The following HMCN1 variants were observed in gnomAD, a reference collection of about 807,000 sequenced individuals.
The protein encoded by HMCN1 is hemicentin-1.
Under a neutral mutation model 625.9 loss-of-function variants are expected in HMCN1, and 321 were observed. The ratio of observed to expected loss-of-function variants is 0.51; its 90% CI spans 0.47 to 0.56. The LOEUF (loss-of-function observed/expected upper bound fraction) is 0.56, where lower values mean the gene tolerates loss of function less well. Ranked by LOEUF, HMCN1 falls within the 20% of genes least tolerant of loss-of-function variation. The pLI is 0.00. For synonymous variants in HMCN1, 2,425 were observed against 2,417.6 expected, an observed-to-expected ratio of 1.00 and a Z score of -0.09; for missense variants, 6,588 against 6,887.3, an observed-to-expected ratio of 0.96 and a Z score of 1.54.
Position 186,000,070 on chromosome 1 carries a change from G to T in HMCN1, c.3900G>T (p.Trp1300Cys), listed in dbSNP as rs761189368. The T allele has an allele frequency of 1.6e-5, 26 of 1,612,510 alleles. No homozygotes were observed. Among genetic ancestry groups the T allele is most frequent in the Admixed American group, 3.3e-5 (2 of 59,844 alleles). Residue 1300 changes from tryptophan to cysteine, a missense_variant, in exon 26 of 107, where the codon TGG becomes TGT. Physicochemically the swap from Trp to Cys is radical, Grantham distance 215 (BLOSUM62 -2). Coordinates refer to ENST00000271588, the MANE Select transcript of HMCN1 (RefSeq NM_031935.3). ...GTACCCCTAAACCAACCATCAAATG[G>T]TTACACAATGGTAGAGAGTTGACAG... Reference protein sequence around the residue: ...AKGTPKPTIKWLHNGRELTGR... With the variant: ...AKGTPKPTIKCLHNGRELTGR...
At chr1:186,008,830 A>G (rs910064419) in intron 30 of HMCN1, among the ~76,000 whole-genome samples, 1 of 152,278 alleles carries the variant, frequency 6.6e-6, no homozygotes, top group Non-Finnish European at 1.5e-5. Flanking sequence ...CTTAATGTAC[A>G]TATAGAATCT....
intron 4 of HMCN1, among the ~76,000 whole-genome samples, chr1:185,877,831 C>T (rs1050127531): frequency 2.0e-5 from 3 of 151,844 alleles, no homozygotes; most frequent in Non-Finnish European, 2.9e-5. Flanking sequence ...ATTATTTTGT[C>T]ACCTAGGTAC....
Position 186,067,903 on chromosome 1 carries a change from C to G in HMCN1, c.7775C>G (p.Pro2592Arg). The change falls in exon 50 of 107, where the codon CCT (proline) becomes CGT (arginine). Residue 2592 changes from proline (P) to arginine (R), a missense_variant. Physicochemically the swap from Pro to Arg is moderately radical, Grantham distance 103 (BLOSUM62 -2). Transcript: ENST00000271588. ...PEDVTVILNS[P>R]TSLVCEAYSY... ...GATGTCACTGTCATCCTTAACAGCC[C>G]TACATCTTTGGTCTGTGAAGCTTAT... 2 of 1,612,650 alleles carry G rather than the reference C, an allele frequency of 1.2e-6. 1 individual carries two copies. The highest frequency in any genetic ancestry group is 2.2e-5 in the South Asian group (2 of 91,060).
intron 1 of HMCN1, among the ~76,000 whole-genome samples, chr1:185,773,658 C>G (rs562091701): frequency 6.6e-6 from 1 of 152,210 alleles, no homozygotes; most frequent in South Asian, 2.1e-4. Flanking sequence ...TACTTATGGT[C>G]TATGATAGAA....
chr1:185,745,736 T>C (rs944566784), intron 1 of HMCN1, among the ~76,000 whole-genome samples: 2 of 152,194 alleles, frequency 1.3e-5, no homozygotes, highest in Non-Finnish European at 2.9e-5. Context: ...GGCCTGTCTG[T>C]CTCCAGGTAT....
At chr1:186,013,560 A>C (rs1178867351) in intron 30 of HMCN1, among the ~76,000 whole-genome samples, 1 of 152,168 alleles carries the variant, frequency 6.6e-6, no homozygotes, top group Non-Finnish European at 1.5e-5. Flanking sequence ...CTTGTTTTCT[A>C]ATATCCTTTT....
At chr1:186,015,494 C>G (rs1301298342) in intron 31 of HMCN1, 57 bp downstream of exon 31, 3 of 1,499,018 alleles carry the variant, frequency 2.0e-6, no homozygotes, top group South Asian at 2.3e-5. Context: ...TTCTAATAGG[C>G]AAATATCGAA....
chr1:185,949,518 A>G (rs539326732), intron 11 of HMCN1, among the ~76,000 whole-genome samples: 1,969 of 150,720 alleles, frequency 0.013, 36 homozygotes, highest in African/African-American at 0.044. Context: ...CCTTTAGTCC[A>G]TTCTACTTTT....
At chr1:186,007,080 GT>G (rs747675947) in intron 29 of HMCN1, 47 bp from the exon 30 acceptor site, 3 of 1,432,780 alleles carry the variant, frequency 2.1e-6, no homozygotes, top group South Asian at 2.3e-5. Context: ...AATAAGAAAT[GT>G]GAAAAACTGA....
At chr1:186,178,384 T>C in intron 103 of HMCN1, 32 bp from the exon 104 acceptor site, 1 of 1,503,386 alleles carries the variant, frequency 6.7e-7, no homozygotes, top group Non-Finnish European at 9.3e-7. Context: ...TGTGTCTTTT[T>C]TTTTCTTTTT....
In HMCN1 at chr1:186,033,063, C is replaced by T. The variant is rs552506858; in HGVS notation, c.5750-4871C>T. Among the ~76,000 whole-genome samples, 174 of 142,968 alleles carry T rather than the reference C, an allele frequency of 1.2e-3. 1 individual carries two copies. Among genetic ancestry groups the T allele is most frequent in the African/African-American group, 4.4e-3 (152 of 34,356 alleles). The allele number at this position is 142,968 out of a possible 152,430, so 93.8% of individuals were successfully genotyped here. On this transcript the variant is annotated intron_variant, in intron 36 of 106. Transcript: ENST00000271588. ...ATAAAGAAAATGTGATATACACACA[C>T]GCACACACACACACACACACACACA... is the stretch of plus-strand genomic sequence containing the variant.
At chr1:185,871,414 T>C (rs1399801866) in intron 4 of HMCN1, among the ~76,000 whole-genome samples, 5 of 152,184 alleles carry the variant, frequency 3.3e-5, no homozygotes. Context: ...TTTCTGTGTG[T>C]CAGTTTCCTT....
At chr1:185,943,364 G>A (rs932060959) in intron 11 of HMCN1, among the ~76,000 whole-genome samples, 7 of 152,192 alleles carry the variant, frequency 4.6e-5, no homozygotes, top group Non-Finnish European at 8.8e-5. Flanking sequence ...CTACCTCCAG[G>A]TAGATAGTGT....
chr1:185,798,902 C>G (rs1421483961), intron 1 of HMCN1, among the ~76,000 whole-genome samples: 4 of 152,100 alleles, frequency 2.6e-5, no homozygotes, highest in Non-Finnish European at 5.9e-5. Flanking sequence ...TGATTAGGAC[C>G]TACTACTAGA....
At chr1:185,961,425 C>A (rs1480441353) in intron 11 of HMCN1, among the ~76,000 whole-genome samples, 1 of 152,182 alleles carries the variant, frequency 6.6e-6, no homozygotes, top group Admixed American at 6.5e-5. Flanking sequence ...TGTGTCCCTG[C>A]AAGTTAGCAC....
At chr1:186,098,453 A>C (rs1660241143) in intron 68 of HMCN1, among the ~76,000 whole-genome samples, 1 of 152,168 alleles carries the variant, frequency 6.6e-6, no homozygotes, top group African/African-American at 2.4e-5. Context: ...CAACATTACT[A>C]ATCATCAAAC....
In HMCN1 at chr1:185,965,356, G is replaced by A. The variant is rs553204488; in HGVS notation, c.2099-446G>A. On this transcript the variant is annotated intron_variant, in intron 13 of 106. Transcript: ENST00000271588. ...AGAAAATGTTAACAAATTCATCTAC[G>A]GTTGTATCATCCTCAAGTCTTAATT... Among the ~76,000 whole-genome samples the A allele has an allele frequency of 3.9e-4, 60 of 152,010 alleles. 2 individuals are homozygous for A. The South Asian group carries it at 0.012, about 30-fold the overall frequency.
chr1:186,010,830 A>T (rs1344400617), intron 30 of HMCN1, among the ~76,000 whole-genome samples: 2 of 152,196 alleles, frequency 1.3e-5, no homozygotes, highest in Non-Finnish European at 2.9e-5. Context: ...AATAAAGGAG[A>T]TAATATAGAT....
intron 56 of HMCN1, 140 bp downstream of exon 56, chr1:186,081,534 A>C: frequency 1.6e-6 from 1 of 639,338 alleles, no homozygotes; most frequent in East Asian, 2.8e-5. Flanking sequence ...AAAGGTATAT[A>C]TAATAAAATT....
Sources: allele counts gnomAD v4.1 joint callset (sites outside exome capture counted in the v4.1 genomes callset), GRCh38; gene constraint gnomAD v4.1.1; transcripts MANE v1.5; gene names NCBI Gene and HGNC (gene_info 2026-07-23, HGNC 2026-07-21).